The following SAMMSON variants were observed in gnomAD, a reference collection of about 807,000 sequenced individuals.
The protein encoded by SAMMSON is long intergenic non-protein coding RNA 1212.
At chr3:70,163,820 A>T (rs2067626075) in intron 4 of SAMMSON, among the ~76,000 whole-genome samples, 1 of 152,054 alleles carries the variant, frequency 6.6e-6, no homozygotes, top group Non-Finnish European at 1.5e-5. Context: ...GTTATTCTGG[A>T]GAAAGTTAGA....
At chr3:70,224,716 G>C (rs746384957) in intron 4 of SAMMSON, among the ~76,000 whole-genome samples, 1 of 151,082 alleles carries the variant, frequency 6.6e-6, no homozygotes, top group South Asian at 2.1e-4. Flanking sequence ...ATTCACCCTT[G>C]GTTTTTTTTT....
chr3:70,343,752 G>T (rs1394514645), intron 7 of SAMMSON, among the ~76,000 whole-genome samples: 9 of 151,900 alleles, frequency 5.9e-5, no homozygotes, highest in Admixed American at 2.0e-4. Flanking sequence ...GGTCAGTTGT[G>T]CTCTACCTCC....
chr3:70,154,219 G>A (rs755429731), intron 4 of SAMMSON, among the ~76,000 whole-genome samples: 4 of 151,642 alleles, frequency 2.6e-5, no homozygotes, highest in Admixed American at 6.6e-5. Context: ...TATAATAATA[G>A]CAATACTATA....
chr3:70,255,821 T>G (rs946695834), intron 6 of SAMMSON, among the ~76,000 whole-genome samples: 1 of 152,214 alleles, frequency 6.6e-6, no homozygotes, highest in African/African-American at 2.4e-5. Flanking sequence ...AAATGATCAA[T>G]GCACACCAAT....
chr3:70,366,705 CTGAA>C (rs1264459475), intron 9 of SAMMSON, among the ~76,000 whole-genome samples: 1 of 151,484 alleles, frequency 6.6e-6, no homozygotes, highest in Non-Finnish European at 1.5e-5. Context: ...AACACAATTG[CTGAA>C]TCATATGGTA....
At chr3:70,090,372 A>T (rs1466179619) in intron 4 of SAMMSON, among the ~76,000 whole-genome samples, 1 of 152,132 alleles carries the variant, frequency 6.6e-6, no homozygotes, top group Non-Finnish European at 1.5e-5. Flanking sequence ...TCTTACTGTT[A>T]ATGGCATTTA....
chr3:70,054,260 C>T (rs2067157990), intron 3 of SAMMSON, among the ~76,000 whole-genome samples: 1 of 152,098 alleles, frequency 6.6e-6, no homozygotes, highest in African/African-American at 2.4e-5. Flanking sequence ...TCAAAACTGA[C>T]AAGTGAATGG....
At chr3:70,404,205 G>A (rs897643697) in intron 2 of SAMMSON, among the ~76,000 whole-genome samples, 1 of 151,854 alleles carries the variant, frequency 6.6e-6, no homozygotes, top group Non-Finnish European at 1.5e-5. Context: ...CTAATGATAT[G>A]CATATCATTA....
At chr3:70,388,395 C>G (rs1048909742) in intron 9 of SAMMSON, among the ~76,000 whole-genome samples, 1 of 151,964 alleles carries the variant, frequency 6.6e-6, no homozygotes, top group Non-Finnish European at 1.5e-5. Flanking sequence ...TTTTCCAACC[C>G]TTCTCTAAAA....
At chr3:70,301,244 T>C (rs1454433401) in intron 7 of SAMMSON, among the ~76,000 whole-genome samples, 1 of 152,122 alleles carries the variant, frequency 6.6e-6, no homozygotes, top group East Asian at 1.9e-4. Context: ...ACTGAGTCCA[T>C]TAAAAACAAA....
chr3:70,018,347 C>T (rs2066996329), intron 3 of SAMMSON, among the ~76,000 whole-genome samples: 1 of 152,106 alleles, frequency 6.6e-6, no homozygotes, highest in Non-Finnish European at 1.5e-5. Flanking sequence ...TCCATTTCTT[C>T]TAGATTTTCT....
intron 4 of SAMMSON, among the ~76,000 whole-genome samples, chr3:70,175,071 G>T (rs773236026): frequency 6.6e-6 from 1 of 151,940 alleles, no homozygotes; most frequent in Non-Finnish European, 1.5e-5. Context: ...ATTTGTTATC[G>T]CAATTAATAG....
intron 4 of SAMMSON, among the ~76,000 whole-genome samples, chr3:70,243,209 T>C (rs1701677899): frequency 2.0e-5 from 3 of 152,118 alleles, no homozygotes; most frequent in Non-Finnish European, 4.4e-5. Context: ...TGTTGAGGAT[T>C]GGGGGCTGTG....
chr3:70,059,907 A>C lies in SAMMSON; in HGVS notation n.418-11569A>C, dbSNP rs146356988. 3.3e-5 allele frequency among the ~76,000 whole-genome samples: 5 copies of C among 152,270 alleles called. No homozygotes were observed. The East Asian group carries it at 9.7e-4, about 30-fold the overall frequency. ...TGTTCACTGTTAAGGGTAATAATAA[A>C]AAGTTGAAGAAGACAGACTGTCTTG... On this transcript the variant is annotated intron_variant and non_coding_transcript_variant, in intron 3 of 9. Transcript: ENST00000642114.
chr3:70,398,597 T>C (rs922857242), intron 2 of SAMMSON, among the ~76,000 whole-genome samples: 1 of 152,200 alleles, frequency 6.6e-6, no homozygotes, highest in Non-Finnish European at 1.5e-5. Flanking sequence ...CTCTTTTTCA[T>C]ATTAAAATAG....
At chr3:70,191,700 T>A (rs1489520137) in intron 4 of SAMMSON, among the ~76,000 whole-genome samples, 1 of 152,198 alleles carries the variant, frequency 6.6e-6, no homozygotes, top group East Asian at 1.9e-4. Context: ...TTTTTCTGAA[T>A]GCTTTAAAAG....
intron 3 of SAMMSON, among the ~76,000 whole-genome samples, chr3:70,059,928 T>C (rs1057106095): frequency 1.3e-5 from 2 of 152,124 alleles, no homozygotes; most frequent in African/African-American, 2.4e-5. Flanking sequence ...AGACAGACTG[T>C]CTTGAAGATC....
intron 4 of SAMMSON, chr3:70,126,270 T>C (rs1339380825): frequency 1.7e-5 from 18 of 1,038,282 alleles, no homozygotes; most frequent in South Asian, 1.3e-4. Flanking sequence ...TTTTTTTTTT[T>C]CAGAGACTGG....
chr3:70,071,702 A>G (rs1043437148), intron 4 of SAMMSON: 3 of 152,036 alleles, frequency 2.0e-5, no homozygotes, highest in African/African-American at 7.2e-5. Context: ...TTGGTTATCA[A>G]TGATGATCAA....
Sources: gnomAD v4.1 joint callset for allele counts (sites outside exome capture counted in the v4.1 genomes callset) on GRCh38, gnomAD v4.1.1 for gene constraint, MANE v1.5 for transcripts, NCBI Gene and HGNC (gene_info 2026-07-23, HGNC 2026-07-21) for gene names.